The following NEB variants were observed in gnomAD, a reference collection of about 807,000 sequenced individuals.
NEB encodes the protein nebulin, also known as nemaline myopathy type 2.
A neutral mutation model predicts 952.2 loss-of-function variants in NEB; 512 were observed. The observed-to-expected ratio is 0.54, with a 90% CI of 0.50 to 0.58. The LOEUF is 0.58. Ranked by LOEUF, NEB falls within the 20% of genes least tolerant of loss-of-function variation. NEB has a pLI of 0.00. For missense variants in NEB, 8,428 were observed against 9,231.1 expected (o/e 0.91, Z 3.56); for synonymous variants, 2,900 against 3,149.8 (o/e 0.92, Z 2.66).
intron 64 of NEB, among the ~76,000 whole-genome samples, chr2:151,635,991 T>C (rs990243512): frequency 2.0e-5 from 3 of 152,178 alleles, no homozygotes; most frequent in African/African-American, 4.8e-5. Flanking sequence ...TGAATGAATC[T>C]TTCTCTATTT....
chr2:151,670,967 G>A (rs987677714), intron 38 of NEB, 56 bp downstream of exon 38: 38 of 1,515,274 alleles, frequency 2.5e-5, no homozygotes, highest in South Asian at 3.4e-5. Context: ...ACGGAGGAGC[G>A]GCTCAGACAC....
rs1196967267 is a variant in NEB at position 151,650,850 on chromosome 2, G to A, written c.6951C>T (p.Gly2317=). ...KYKQGYRKQL[G]HHVGFRSLQD... Reference sequence around the variant, plus strand: ...GCAGACTCCGGAATCCAACATGGTGGCCAAGTTGCTTTCGGTAGCCTTGTT... The same window carrying A: ...GCAGACTCCGGAATCCAACATGGTGACCAAGTTGCTTTCGGTAGCCTTGTT... The change falls in exon 53 of 182, where the codon GGC becomes GGT. Residue 2317 remains glycine, a synonymous_variant. Transcript: ENST00000397345. 3.1e-6 allele frequency: 5 copies of A among 1,612,918 alleles called. No homozygotes were observed. Among genetic ancestry groups the A allele is most frequent in the Non-Finnish European group, 4.2e-6 (5 of 1,179,222 alleles).
intron 148 of NEB, 148 bp from the exon 149 acceptor site, chr2:151,526,410 A>G: frequency 1.5e-6 from 1 of 661,894 alleles, no homozygotes; most frequent in East Asian, 2.7e-5. Flanking sequence ...AAATATTCAA[A>G]AGGGTTTTTT....
intron 71 of NEB, among the ~76,000 whole-genome samples, chr2:151,621,494 T>C (rs1474697163): frequency 6.6e-6 from 1 of 152,244 alleles, no homozygotes; most frequent in Non-Finnish European, 1.5e-5. Flanking sequence ...TGAATCTCTC[T>C]GTTAATGTTG....
At chr2:151,581,716 A>G in intron 102 of NEB, 129 bp from the exon 103 acceptor site, 2 of 914,064 alleles carry the variant, frequency 2.2e-6, no homozygotes, top group Non-Finnish European at 3.3e-6. Context: ...TGAATTTTAT[A>G]ATAAATTAAA....
At chr2:151,552,799 C>T (rs2095416316) in intron 127 of NEB, 23 bp from the exon 128 acceptor site, 1 of 1,563,182 alleles carries the variant, frequency 6.4e-7, no homozygotes, top group Non-Finnish European at 8.8e-7. Flanking sequence ...AGAAAACAAG[C>T]CCATGTTGGA....
In NEB at chr2:151,619,489, T is replaced by C. The variant is rs771871332; in HGVS notation, c.10834A>G (p.Ile3612Val). 6.2e-7 allele frequency: 1 copy of C among 1,612,572 alleles called. No homozygotes were observed. Among genetic ancestry groups the C allele is most frequent in the South Asian group, 1.1e-5 (1 of 91,004 alleles). Residue 3612 changes from isoleucine (I) to valine (V), a missense_variant, in exon 73 of 182, where the codon ATC becomes GTC. Ile to Val is a conservative substitution (Grantham distance 29). Coordinates refer to ENST00000397345, the MANE Select transcript of NEB (RefSeq NM_001164508.2). ...TCATAGGCTTTCCGTGCATGAATGA[T>C]GTCATTCTGGTCGGGCAGGCAGATC... ...EWICLPDQND[I>V]IHARKAYDLQ...
At chr2:151,695,937 T>A (rs1372742705) in intron 17 of NEB, among the ~76,000 whole-genome samples, 1 of 152,168 alleles carries the variant, frequency 6.6e-6, no homozygotes, top group East Asian at 1.9e-4. Flanking sequence ...GTAGCACAAT[T>A]GTCCCTGCAG....
In NEB at chr2:151,485,891, C is replaced by G. The variant is rs993833092; in HGVS notation, c.25447G>C (p.Asp8483His). ...TCTCCATCCTTGAAGGACACCTCAT[C>G]TGCATCAGCAGCCATATAGTCATAC... ...AMYDYMAADA[D>H]EVSFKDGDAI... is the part of the protein sequence containing the mutation. The change falls in exon 182 of 182, where the codon GAT becomes CAT. Residue 8483 changes from aspartate (D) to histidine (H), a missense_variant. Physicochemically the swap from Asp to His is moderately conservative, Grantham distance 81. This residue lies in a region of NEB where 3,374 missense variants were observed against 3,651.5 expected (regional missense o/e 0.92). Coordinates refer to ENST00000397345, the MANE Select transcript of NEB (RefSeq NM_001164508.2). 1.2e-6 allele frequency: 2 copies of G among 1,613,956 alleles called. No homozygotes were observed. Among genetic ancestry groups the G allele is most frequent in the African/African-American group, 1.3e-5 (1 of 75,054 alleles).
rs375434588 is a variant in NEB at position 151,576,214 on chromosome 2, G to A, written c.16845C>T (p.Tyr5615=). The A allele has an allele frequency of 2.7e-5, 44 of 1,611,158 alleles. No homozygotes were observed. The highest frequency in any genetic ancestry group is 4.4e-5 in the South Asian group (4 of 90,840). Reference sequence around the variant, plus strand: ...CTTCAGGTGTGTCAACAATGCTTGTGTACTTAAGGTTCACCACAGGCGTCC... The same window carrying A: ...CTTCAGGTGTGTCAACAATGCTTGTATACTTAAGGTTCACCACAGGCGTCC... ...VYRTPVVNLK[Y]TSIVDTPEVV... is the part of the protein sequence containing the mutation. The change falls in exon 106 of 182, where the codon TAC becomes TAT. Residue 5615 remains tyrosine (Y), a synonymous_variant. Transcript: ENST00000397345.
At chr2:151,708,084 T>C (rs2099723338) in intron 12 of NEB, among the ~76,000 whole-genome samples, 1 of 152,190 alleles carries the variant, frequency 6.6e-6, no homozygotes, top group Non-Finnish European at 1.5e-5. Flanking sequence ...TCCCCTCCTC[T>C]TAAGCACCAA....
chr2:151,553,431 G>C lies in NEB; in HGVS notation c.19698C>G (p.Leu6566=), dbSNP rs776472016. 2 of 1,613,554 alleles carry C rather than the reference G, an allele frequency of 1.2e-6. No individual in the cohort carries two copies. Among genetic ancestry groups the C allele is most frequent in the Non-Finnish European group, 1.7e-6 (2 of 1,179,626 alleles). Residue 6566 remains leucine (L), a synonymous_variant, in exon 127 of 182, where the codon CTC becomes CTG. Coordinates refer to ENST00000397345, the MANE Select transcript of NEB (RefSeq NM_001164508.2). ...GTAGATCATAAGCATGCTTGGCATG[G>C]AGGATTTCAGGAGTGTCCCAGACGT... ...GCYVWDTPEI[L]HAKHAYDLRD...
intron 167 of NEB, among the ~76,000 whole-genome samples, chr2:151,501,763 T>C (rs1356578518): frequency 1.3e-5 from 2 of 152,084 alleles, no homozygotes; most frequent in African/African-American, 4.8e-5. Context: ...GAGTATCAAA[T>C]AGCATTCAAA....
chr2:151,654,673 T>C (rs1198480968), intron 51 of NEB, among the ~76,000 whole-genome samples: 1 of 152,204 alleles, frequency 6.6e-6, no homozygotes, highest in African/African-American at 2.4e-5. Flanking sequence ...GAGAATCTTA[T>C]ACAGAATTTC....
rs189912759 is a variant in NEB at position 151,560,611 on chromosome 2, T to C, written c.19295A>G (p.Gln6432Arg). ...ACTTACATGGCTGGCCAGATGCTTC[T>C]GGTTCTTGGCGTGTGTCAGGGACAA... ...STLSLTHAKN[Q>R]KHLASHIKYR... The change falls in exon 124 of 182, where the codon CAG becomes CGG. Residue 6432 changes from glutamine to arginine, a missense_variant. By Grantham distance (43) the Gln-to-Arg change is conservative. Around this residue, in one of 11 missense-constraint regions of NEB, gnomAD observed 3,374 missense variants for 3,651.5 expected, o/e 0.92. Transcript: ENST00000397345. 250 of 1,611,910 alleles carry C rather than the reference T, an allele frequency of 1.6e-4. 2 individuals carry two copies. In the East Asian group the frequency reaches 3.5e-3, roughly 22 times the overall value.
chr2:151,507,688 T>A (rs2070405818), intron 162 of NEB: 1 of 273,646 alleles, frequency 3.7e-6, no homozygotes, highest in Non-Finnish European at 6.9e-6. Context: ...TTTTATTGAA[T>A]AAATTGTGTG....
intron 163 of NEB, among the ~76,000 whole-genome samples, chr2:151,506,601 A>G (rs1167165652): frequency 2.6e-5 from 4 of 152,328 alleles, no homozygotes; most frequent in Admixed American, 2.6e-4. Flanking sequence ...TATTTGGGGG[A>G]GGGATAACAA....
chr2:151,643,007 T>A, intron 58 of NEB, 138 bp from the exon 59 acceptor site: 1 of 1,153,906 alleles, frequency 8.7e-7, no homozygotes, highest in Non-Finnish European at 1.2e-6. Context: ...AAATGTCTTG[T>A]GTCAATAAGA....
chr2:151,536,858 C>G (rs2093294084), intron 141 of NEB, among the ~76,000 whole-genome samples: 2 of 152,104 alleles, frequency 1.3e-5, no homozygotes, highest in Non-Finnish European at 2.9e-5. Context: ...TAGGAGAAAC[C>G]ACCCAGAGAC....
Sources: gnomAD v4.1 joint callset for allele counts (sites outside exome capture counted in the v4.1 genomes callset) on GRCh38, gnomAD v4.1.1 for gene constraint, gnomAD v4.1.1 regional missense constraint, MANE v1.5 for transcripts, NCBI Gene and HGNC (gene_info 2026-07-23, HGNC 2026-07-21) for gene names.